The following OPHN1 variants were observed in gnomAD, a reference collection of about 807,000 sequenced individuals.
OPHN1 encodes the protein oligophrenin 1.
A neutral mutation model predicts 60.7 loss-of-function variants in OPHN1; 11 were observed. The observed-to-expected ratio is 0.18, with a 90% CI of 0.11 to 0.30. OPHN1 has a LOEUF of 0.30. Ranked by LOEUF, OPHN1 falls within the 10% of genes least tolerant of loss-of-function variation. The pLI, the probability that OPHN1 is intolerant of heterozygous loss-of-function variation, is 1.00. For synonymous variants in OPHN1, 226 were observed against 222.6 expected, an observed-to-expected ratio of 1.02 and a Z score of -0.14; for missense variants, 449 against 611.0, an observed-to-expected ratio of 0.73 and a Z score of 2.80.
At chrX:68,133,617 C>A (rs2077207264) in intron 15 of OPHN1, among the ~76,000 whole-genome samples, 1 of 111,559 alleles carries the variant, frequency 9.0e-6, no homozygotes, top group East Asian at 2.8e-4. Context: ...TTGGTTGCCA[C>A]AAGCATATCT....
rs35324033 is a variant in OPHN1, at chrX:68,327,797, TAAAAAAAAA to T, written c.155-28710_155-28702del. Among the ~76,000 whole-genome samples, 4 of 67,385 alleles carry T rather than the reference TAAAAAAAAA, an allele frequency of 5.9e-5. 1 individual carries two copies. The highest frequency in any genetic ancestry group is 1.8e-4 in the African/African-American group (3 of 16,295). 58.5% of individuals were successfully genotyped at this position (67,385 alleles called of 115,157 possible). Reference sequence around the variant, plus strand: ...CAATAAAAATAAAAAATAAAAAAAATAAAAAAAAAAAAAAAAAAAATTTTAAACTTTTTT... The same window carrying T: ...CAATAAAAATAAAAAATAAAAAAAATAAAAAAAAAAATTTTAAACTTTTTT... On this transcript the variant is annotated intron_variant, in intron 2 of 24. Coordinates refer to ENST00000355520, the MANE Select transcript of OPHN1 (RefSeq NM_002547.3).
In OPHN1 at chrX:68,217,286, G is replaced by A. The variant is rs372354343; in HGVS notation, c.487-3314C>T. 1.7e-3 allele frequency among the ~76,000 whole-genome samples: 194 copies of A among 112,119 alleles called. 1 individual carries two copies. Among genetic ancestry groups the A allele is most frequent in the African/African-American group, 5.8e-3 (181 of 30,981 alleles). On this transcript the variant is annotated intron_variant, in intron 6 of 24. Transcript: ENST00000355520. ...CTGGCTCGGAGGATCCTACGCCCACGCAGTCTCGCTGATTGCTAGCACAGC... is the reference window on the plus strand; with the variant it reads ...CTGGCTCGGAGGATCCTACGCCCACACAGTCTCGCTGATTGCTAGCACAGC...
chrX:68,187,813 G>C (rs1369624503), intron 15 of OPHN1, among the ~76,000 whole-genome samples: 2 of 111,197 alleles, frequency 1.8e-5, no homozygotes, highest in Non-Finnish European at 3.8e-5. Context: ...ATTTTTAGTA[G>C]AGATGGGGTT....
chrX:68,426,908 A>T (rs183699164), intron 2 of OPHN1, among the ~76,000 whole-genome samples: 303 of 101,511 alleles, frequency 3.0e-3, no homozygotes, highest in African/African-American at 0.01. Context: ...AAAAAAACAA[A>T]AACATACTTA....
rs2076896536 is a variant in OPHN1 at position 68,062,427 on chromosome X, CA to C, written c.2158+1426del. 4.5e-5 allele frequency among the ~76,000 whole-genome samples: 5 copies of C among 112,003 alleles called. No individual in the cohort carries two copies. In the South Asian group the frequency reaches 1.9e-3, roughly 42 times the overall value. On this transcript the variant is annotated intron_variant, in intron 21 of 24. Coordinates refer to ENST00000355520, the MANE Select transcript of OPHN1 (RefSeq NM_002547.3). ...TTTGAATTTCACAACATTTTCATGT[CA>C]AAAAATATTATTTCCTTTTTAATTC...
intron 2 of OPHN1, among the ~76,000 whole-genome samples, chrX:68,313,776 C>A (rs1004531368): frequency 9.0e-6 from 1 of 111,568 alleles, no homozygotes; most frequent in Non-Finnish European, 1.9e-5. Flanking sequence ...AAATCTAGTA[C>A]TGAATAGCAC....
At chrX:68,122,362 C>T (rs2077154085) in intron 15 of OPHN1, among the ~76,000 whole-genome samples, 1 of 110,878 alleles carries the variant, frequency 9.0e-6, no homozygotes, top group African/African-American at 3.3e-5. Context: ...TCTGGAAAGT[C>T]TTCCCAAGAA....
chrX:68,412,476 G>A lies in OPHN1; in HGVS notation c.154+20391C>T, dbSNP rs957304222. ...GAAAGTAGAACAATGGATGCCAGGG[G>A]CTGAGGGCAGCTGGGAATGGGGAGT... On this transcript the variant is annotated intron_variant, in intron 2 of 24. Transcript: ENST00000355520. Among the ~76,000 whole-genome samples the A allele has an allele frequency of 2.2e-4, 24 of 111,104 alleles. 1 individual carries two copies. Among genetic ancestry groups the A allele is most frequent in the Admixed American group, 2.1e-3 (22 of 10,325 alleles).
At chrX:68,249,289 T>A (rs1191827272) in intron 5 of OPHN1, among the ~76,000 whole-genome samples, 1 of 112,080 alleles carries the variant, frequency 8.9e-6, no homozygotes, top group Non-Finnish European at 1.9e-5. Context: ...TATATCTGCC[T>A]TTTGAGAACT....
At chrX:68,196,803 T>G (rs1198598703) in intron 12 of OPHN1, among the ~76,000 whole-genome samples, 1 of 112,455 alleles carries the variant, frequency 8.9e-6, no homozygotes. Flanking sequence ...TATTTATAAC[T>G]ATGGCAATTA....
chrX:68,379,408 G>T (rs1030803917), intron 2 of OPHN1, among the ~76,000 whole-genome samples: 26 of 108,843 alleles, frequency 2.4e-4, no homozygotes, highest in African/African-American at 7.4e-4. Flanking sequence ...TTTCCTAATT[G>T]AATACCCTTT....
Position 68,333,767 on chromosome X carries a change from G to A in OPHN1, c.155-34671C>T, listed in dbSNP as rs138574331. 1.3e-3 allele frequency among the ~76,000 whole-genome samples: 141 copies of A among 111,466 alleles called. 1 individual carries two copies. In the East Asian group the frequency reaches 0.03, roughly 24 times the overall value. ...ACATCAAAATATTCTCATGCACAGT[G>A]AGTACCTCTCTATTGGGAAGCAAGT... is the stretch of plus-strand genomic sequence containing the variant. On this transcript the variant is annotated intron_variant, in intron 2 of 24. Transcript: ENST00000355520.
At chrX:68,053,532 G>T in intron 22 of OPHN1, 113 bp downstream of exon 22, 1 of 771,609 alleles carries the variant, frequency 1.3e-6, no homozygotes. Context: ...AGACTATAAA[G>T]TGAAGGATGC....
chrX:68,079,709 C>T (rs903674104), intron 19 of OPHN1, among the ~76,000 whole-genome samples: 6 of 112,043 alleles, frequency 5.4e-5, no homozygotes, highest in African/African-American at 1.9e-4. Flanking sequence ...TAACTAACTG[C>T]TCAATGTTGC....
At chrX:68,264,552 C>T (rs995205814) in intron 5 of OPHN1, among the ~76,000 whole-genome samples, 1 of 111,788 alleles carries the variant, frequency 8.9e-6, no homozygotes, top group Non-Finnish European at 1.9e-5. Flanking sequence ...CAGGGTAAAG[C>T]CAAGATGGCC....
At chrX:68,385,147 G>A (rs1248215916) in intron 2 of OPHN1, among the ~76,000 whole-genome samples, 1 of 111,777 alleles carries the variant, frequency 8.9e-6, no homozygotes, top group Non-Finnish European at 1.9e-5. Flanking sequence ...GGACTCAGAA[G>A]AGCTAGGTTG....
chrX:68,238,183 T>C (rs946718442), intron 5 of OPHN1, among the ~76,000 whole-genome samples: 13 of 111,928 alleles, frequency 1.2e-4, no homozygotes, highest in African/African-American at 3.9e-4. Context: ...TTTATATTTC[T>C]CTATATAGAG....
intron 18 of OPHN1, among the ~76,000 whole-genome samples, chrX:68,100,817 G>T (rs1429554188): frequency 9.1e-6 from 1 of 109,591 alleles, no homozygotes; most frequent in Non-Finnish European, 1.9e-5. Context: ...CGCGATCTCG[G>T]CTCACTGCAA....
chrX:68,411,259 A>G (rs2078767819), intron 2 of OPHN1, among the ~76,000 whole-genome samples: 1 of 112,151 alleles, frequency 8.9e-6, no homozygotes, highest in Non-Finnish European at 1.9e-5. Flanking sequence ...TAATAAGCAT[A>G]GTACAATAGG....
Sources: allele counts gnomAD v4.1 joint callset (sites outside exome capture counted in the v4.1 genomes callset), GRCh38; gene constraint gnomAD v4.1.1; transcripts MANE v1.5; gene names NCBI Gene and HGNC (gene_info 2026-07-23, HGNC 2026-07-21).